CNTN5: variants seen among roughly 807,000 people sequenced by gnomAD.
The protein encoded by CNTN5 is contactin-5.
In CNTN5, 77 loss-of-function variants were observed where a neutral mutation model predicts 129.1. The observed-to-expected ratio is 0.60, with a 90% CI of 0.50 to 0.72. CNTN5 has a LOEUF of 0.72. CNTN5 is among the 30% of genes least tolerant of loss of function. The probability of loss-of-function intolerance (pLI) is 0.00; values close to 1 mark genes in which losing one functional copy is unlikely to be tolerated. For synonymous variants in CNTN5, 509 were observed against 465.6 expected, an observed-to-expected ratio of 1.09 and a Z score of -1.20; for missense variants, 1,478 against 1,328.8, an observed-to-expected ratio of 1.11 and a Z score of -1.75.
intron 8 of CNTN5, among the ~76,000 whole-genome samples, chr11:99,989,314 A>G (rs1047563262): frequency 1.3e-5 from 2 of 152,078 alleles, no homozygotes; most frequent in African/African-American, 2.4e-5. Context: ...CCATTCTTCC[A>G]TCATTACTGG....
chr11:99,403,008 C>G (rs1363632766), intron 2 of CNTN5, among the ~76,000 whole-genome samples: 1 of 142,112 alleles, frequency 7.0e-6, no homozygotes. Context: ...TGTTAAACTT[C>G]TTTTTTTTTT....
chr11:99,150,371 T>C (rs1220159005), intron 1 of CNTN5, among the ~76,000 whole-genome samples: 1 of 152,042 alleles, frequency 6.6e-6, no homozygotes, highest in Non-Finnish European at 1.5e-5. Flanking sequence ...CTAAGGAACA[T>C]GCAAATCTTT....
intron 7 of CNTN5, among the ~76,000 whole-genome samples, chr11:99,928,013 T>C (rs909849175): frequency 6.6e-6 from 1 of 152,080 alleles, no homozygotes; most frequent in African/African-American, 2.4e-5. Flanking sequence ...CCATTCCAAA[T>C]GGGAGAAATT....
At chr11:100,150,582 T>TC (rs572063917) in intron 13 of CNTN5, among the ~76,000 whole-genome samples, 4 of 151,996 alleles carry the variant, frequency 2.6e-5, no homozygotes, top group African/African-American at 7.2e-5. Flanking sequence ...TGCCTTTTTT[T>TC]CCCTCTCAAA....
At chr11:99,302,825 G>T (rs1864704556) in intron 1 of CNTN5, among the ~76,000 whole-genome samples, 1 of 151,578 alleles carries the variant, frequency 6.6e-6, no homozygotes, top group East Asian at 1.9e-4. Context: ...TCAAAAATGA[G>T]AAATATTGAA....
At chr11:99,057,785 AGT>A (rs67721084) in intron 1 of CNTN5, among the ~76,000 whole-genome samples, 4,981 of 144,780 alleles carry the variant, frequency 0.034, 199 homozygotes, top group African/African-American at 0.1. Flanking sequence ...ATGAAACATA[AGT>A]GTGTGTGTGT....
At chr11:99,250,948 G>T (rs1237522517) in intron 1 of CNTN5, among the ~76,000 whole-genome samples, 3 of 151,910 alleles carry the variant, frequency 2.0e-5, no homozygotes, top group Admixed American at 6.6e-5. Context: ...GTTATTTTGA[G>T]TGTTATAGAT....
At chr11:99,769,571 A>G (rs1944873191) in intron 3 of CNTN5, among the ~76,000 whole-genome samples, 1 of 152,064 alleles carries the variant, frequency 6.6e-6, no homozygotes, top group African/African-American at 2.4e-5. Flanking sequence ...GATGAAGTAA[A>G]TTAAGAATCA....
intron 1 of CNTN5, among the ~76,000 whole-genome samples, chr11:99,252,538 G>C (rs1862165840): frequency 6.6e-6 from 1 of 150,718 alleles, no homozygotes; most frequent in Non-Finnish European, 1.5e-5. Flanking sequence ...TAAATTAGTG[G>C]CAGAAATTTA....
At chr11:99,857,826 A>G (rs1948086703) in intron 6 of CNTN5, among the ~76,000 whole-genome samples, 1 of 152,102 alleles carries the variant, frequency 6.6e-6, no homozygotes. Flanking sequence ...AATTCTAGCA[A>G]TATCTCTTTA....
At chr11:99,166,548 G>T (rs1860881464) in intron 1 of CNTN5, among the ~76,000 whole-genome samples, 1 of 152,086 alleles carries the variant, frequency 6.6e-6, no homozygotes, top group Admixed American at 6.6e-5. Flanking sequence ...GTATACTAGA[G>T]GGAGTAAAAG....
rs1320262888 is a variant in CNTN5, at chr11:99,100,122, G to A, written c.-210+78852G>A. Among the ~76,000 whole-genome samples the A allele has an allele frequency of 3.3e-5, 5 of 152,026 alleles. No individual in the cohort carries two copies. In the South Asian group the frequency reaches 6.2e-4, roughly 19 times the overall value. ...AGTAATGACCCAAAAAACAATCAAC[G>A]CTTCTTTAGGACCTGCAAACAATAT... On this transcript the variant is annotated intron_variant, in intron 1 of 24. Transcript: ENST00000524871.
intron 1 of CNTN5, among the ~76,000 whole-genome samples, chr11:99,229,691 C>T (rs1780114362): frequency 6.6e-6 from 1 of 151,976 alleles, no homozygotes; most frequent in Non-Finnish European, 1.5e-5. Flanking sequence ...GGGCCTTCCC[C>T]CAGAGGCACC....
chr11:99,699,116 GA>G (rs570959851), intron 3 of CNTN5, among the ~76,000 whole-genome samples: 50 of 151,416 alleles, frequency 3.3e-4, no homozygotes, highest in Non-Finnish European at 5.9e-4. Context: ...ACCAAGATTT[GA>G]AAATATGTAG....
intron 2 of CNTN5, among the ~76,000 whole-genome samples, chr11:99,458,739 G>A (rs963894763): frequency 6.6e-6 from 1 of 151,988 alleles, no homozygotes; most frequent in Admixed American, 6.6e-5. Flanking sequence ...TTGGTATAGT[G>A]AGTCATTTCA....
At chr11:99,675,857 T>G (rs918725682) in intron 3 of CNTN5, among the ~76,000 whole-genome samples, 4 of 152,170 alleles carry the variant, frequency 2.6e-5, no homozygotes, top group Non-Finnish European at 4.4e-5. Flanking sequence ...AGTATATCAT[T>G]TCATTTCCTT....
chr11:99,940,858 C>T (rs1223979085), intron 7 of CNTN5, among the ~76,000 whole-genome samples: 1 of 151,892 alleles, frequency 6.6e-6, no homozygotes, highest in Non-Finnish European at 1.5e-5. Context: ...AAGACTCAGG[C>T]TAAGTTAAAA....
intron 3 of CNTN5, among the ~76,000 whole-genome samples, chr11:99,727,436 T>A (rs901996196): frequency 9.2e-5 from 14 of 151,866 alleles, no homozygotes; most frequent in Non-Finnish European, 1.9e-4. Context: ...GTTTCTGATA[T>A]GACAAGATAG....
chr11:100,310,224 G>A (rs1424178022), intron 21 of CNTN5, among the ~76,000 whole-genome samples: 1 of 151,910 alleles, frequency 6.6e-6, no homozygotes, highest in Non-Finnish European at 1.5e-5. Context: ...GACGTCTGGT[G>A]TGCATACCTT....
Sources: gnomAD v4.1 joint callset for allele counts (sites outside exome capture counted in the v4.1 genomes callset) on GRCh38, gnomAD v4.1.1 for gene constraint, MANE v1.5 for transcripts, NCBI Gene and HGNC (gene_info 2026-07-23, HGNC 2026-07-21) for gene names.